The following CTNNA2 variants were observed in gnomAD, a reference collection of about 807,000 sequenced individuals.
The protein encoded by CTNNA2 is catenin alpha 2.
In CTNNA2, 42 loss-of-function variants were observed where a neutral mutation model predicts 101.0. The ratio of observed to expected loss-of-function variants is 0.42; its 90% CI spans 0.32 to 0.54. The LOEUF (loss-of-function observed/expected upper bound fraction) is 0.54. CTNNA2 is among the 20% of genes least tolerant of loss of function. The pLI is 0.14. For synonymous variants in CTNNA2, 450 were observed against 456.4 expected (o/e 0.99, Z 0.18); for missense variants, 871 against 1,223.1 (o/e 0.71, Z 4.29).
At position 79,331,614 on chromosome 2, in the gene CTNNA2, C is replaced by T. The variant is rs539657144; in HGVS notation, c.-318+18818C>T. The stretch of plus-strand genomic sequence containing the variant: ...TGGGTCTCCACTGGAGAATGGAGAG[C>T]GGCTTTGTTTTGTCTTTGTGCCTTC... On this transcript the variant is annotated intron_variant, in intron 3 of 21. Transcript: ENST00000466387. Among the ~76,000 whole-genome samples, 185 of 152,226 alleles carry T rather than the reference C, an allele frequency of 1.2e-3. 1 individual carries two copies. Among genetic ancestry groups the T allele is most frequent in the African/African-American group, 3.9e-3 (163 of 41,542 alleles).
intron 1 of CTNNA2, among the ~76,000 whole-genome samples, chr2:79,560,588 T>C (rs1012265279): frequency 6.6e-6 from 1 of 151,866 alleles, no homozygotes; most frequent in South Asian, 2.1e-4. Flanking sequence ...TATTGTATGC[T>C]ATGGCCATTA....
At chr2:79,616,932 T>C (rs897230439) in intron 1 of CTNNA2, among the ~76,000 whole-genome samples, 6 of 150,032 alleles carry the variant, frequency 4.0e-5, no homozygotes, top group African/African-American at 1.5e-4. Flanking sequence ...GACACAGTCT[T>C]GCTCCGTCAC....
rs117775019 is a variant in CTNNA2 at position 79,336,768 on chromosome 2, T to C, written c.-318+23972T>C. ...ACTCCAGGCCAACTGGAGGGCCCTA[T>C]CTGTGTCGTCAAAGCTTGATTAAAT... is the stretch of plus-strand genomic sequence containing the variant. On this transcript the variant is annotated intron_variant, in intron 3 of 21. Transcript: ENST00000466387. Among the ~76,000 whole-genome samples the C allele has an allele frequency of 1.9e-3, 293 of 152,190 alleles. 2 individuals carry two copies. The East Asian group carries it at 0.038, about 20-fold the overall frequency.
chr2:79,978,784 A>G (rs1691049519), intron 7 of CTNNA2, among the ~76,000 whole-genome samples: 5 of 152,250 alleles, frequency 3.3e-5, no homozygotes, highest in East Asian at 1.9e-4. Flanking sequence ...CTAATTCTTC[A>G]TCTTTTCATG....
rs565160405 is a variant in CTNNA2 at position 79,468,759 on chromosome 2, C to A, written c.-134-36295C>A. ...ACCACTCAACTACATGGAAACTGAA[C>A]AACCTGCTCCTGAATGATTACTGGG... On this transcript the variant is annotated intron_variant, in intron 4 of 21. Coordinates refer to the CTNNA2 transcript ENST00000466387. Among the ~76,000 whole-genome samples, 6 of 152,272 alleles carry A rather than the reference C, an allele frequency of 3.9e-5. 2 individuals carry two copies. Among genetic ancestry groups the A allele is most frequent in the African/African-American group, 1.4e-4 (6 of 41,550 alleles).
intron 2 of CTNNA2, among the ~76,000 whole-genome samples, chr2:79,734,969 A>G (rs749641216): frequency 2.0e-5 from 3 of 152,178 alleles, no homozygotes; most frequent in Non-Finnish European, 4.4e-5. Flanking sequence ...CATTGAGGTA[A>G]GTGGTATCAC....
Position 79,885,231 on chromosome 2 carries a change from A to C in CTNNA2, c.852+10889A>C, listed in dbSNP as rs1041893257. 4.0e-5 allele frequency among the ~76,000 whole-genome samples: 5 copies of C among 124,786 alleles called. No homozygotes were observed. The Admixed American group carries it at 4.3e-4, about 11-fold the overall frequency. 81.9% of individuals were successfully genotyped at this position (124,786 alleles called of 152,430 possible). A position where few individuals can be genotyped will look rare whatever the true frequency, so the allele number is the denominator to read the frequency against. On this transcript the variant is annotated intron_variant, in intron 6 of 18. Coordinates refer to ENST00000402739, the MANE Select transcript of CTNNA2 (RefSeq NM_001282597.3). ...GCTGTATAGGTAAGTCAGAGGCCCA[A>C]ATATAAGACCTAGGAGATCTACACT...
intron 9 of CTNNA2, among the ~76,000 whole-genome samples, chr2:80,540,659 T>C (rs937545765): frequency 1.3e-5 from 2 of 152,054 alleles, no homozygotes; most frequent in Admixed American, 1.3e-4. Flanking sequence ...ACTGATGTTT[T>C]TGAGGTTGAG....
chr2:80,368,867 G>GTATA (rs1553505682), intron 7 of CTNNA2, among the ~76,000 whole-genome samples: 8,561 of 144,660 alleles, frequency 0.059, 691 homozygotes, highest in African/African-American at 0.18. Flanking sequence ...GTGTGTGTGT[G>GTATA]TATATATATA....
intron 7 of CTNNA2, among the ~76,000 whole-genome samples, chr2:80,120,058 T>C (rs1701745062): frequency 6.6e-6 from 1 of 152,206 alleles, no homozygotes; most frequent in Non-Finnish European, 1.5e-5. Flanking sequence ...AGGCTCTGCA[T>C]TGCTGAGGAG....
intron 14 of CTNNA2, 55 bp from the exon 15 acceptor site, chr2:80,589,249 A>T: frequency 6.4e-7 from 1 of 1,569,978 alleles, no homozygotes. Flanking sequence ...GAGTCAACAT[A>T]CGGTCTGTAC....
chr2:80,548,508 C>T (rs1329222582), intron 11 of CTNNA2, among the ~76,000 whole-genome samples: 1 of 152,102 alleles, frequency 6.6e-6, no homozygotes, highest in Non-Finnish European at 1.5e-5. Flanking sequence ...TTCTCCTTGT[C>T]ATTCCTTTGT....
At chr2:79,812,957 A>G (rs1677171548) in intron 3 of CTNNA2, among the ~76,000 whole-genome samples, 1 of 152,156 alleles carries the variant, frequency 6.6e-6, no homozygotes, top group South Asian at 2.1e-4. Context: ...GCAATTCTGA[A>G]GGAGACCAGT....
At chr2:80,337,696 T>C (rs1671876717) in intron 7 of CTNNA2, among the ~76,000 whole-genome samples, 1 of 152,104 alleles carries the variant, frequency 6.6e-6, no homozygotes, top group Admixed American at 6.5e-5. Context: ...TGTGGGTGAC[T>C]AGTGGTTCAG....
intron 4 of CTNNA2, among the ~76,000 whole-genome samples, chr2:79,465,998 G>A (rs1670930287): frequency 6.6e-6 from 1 of 152,180 alleles, no homozygotes; most frequent in Admixed American, 6.5e-5. Flanking sequence ...TCCAACCAAG[G>A]TACTGGGTTC....
intron 14 of CTNNA2, 132 bp from the exon 15 acceptor site, chr2:80,589,172 G>C: frequency 1.1e-6 from 1 of 881,688 alleles, no homozygotes; most frequent in Non-Finnish European, 1.7e-6. Context: ...AGAAAGACGT[G>C]CTTTCCGGAA....
chr2:79,793,514 G>A (rs1165498845), intron 3 of CTNNA2, among the ~76,000 whole-genome samples: 1 of 152,142 alleles, frequency 6.6e-6, no homozygotes, highest in Non-Finnish European at 1.5e-5. Context: ...CCCCTTAAGG[G>A]AGATGTTATT....
intron 2 of CTNNA2, among the ~76,000 whole-genome samples, chr2:79,242,877 A>C (rs1674644639): frequency 6.6e-6 from 1 of 151,468 alleles, no homozygotes; most frequent in South Asian, 2.1e-4. Context: ...CTGAGGCAGG[A>C]GGATTCGTTG....
chr2:80,065,198 G>GA (rs917522663), intron 7 of CTNNA2, among the ~76,000 whole-genome samples: 37 of 150,952 alleles, frequency 2.5e-4, no homozygotes, highest in African/African-American at 5.3e-4. Context: ...TTACTTGTCA[G>GA]AAAAAAAAAT....
Sources: gnomAD v4.1 joint callset for allele counts (sites outside exome capture counted in the v4.1 genomes callset) on GRCh38, gnomAD v4.1.1 for gene constraint, MANE v1.5 for transcripts, NCBI Gene and HGNC (gene_info 2026-07-23, HGNC 2026-07-21) for gene names.